ASTN1: variants seen among roughly 807,000 people sequenced by gnomAD.
The protein encoded by ASTN1 is astrotactin-1.
In ASTN1, 41 loss-of-function variants were observed where a neutral mutation model predicts 140.7. The observed-to-expected ratio is 0.29, with a 90% CI of 0.23 to 0.38. The LOEUF is 0.38. Ranked by LOEUF, ASTN1 falls within the 10% of genes least tolerant of loss-of-function variation. The probability of loss-of-function intolerance (pLI) is 1.00; values close to 1 mark genes in which losing one functional copy is unlikely to be tolerated. For synonymous variants in ASTN1, 640 were observed against 652.2 expected (o/e 0.98, Z 0.29); for missense variants, 1,479 against 1,678.8 (o/e 0.88, Z 2.08).
In ASTN1 at chr1:176,943,951, G is replaced by A. The variant is rs750524734; in HGVS notation, c.2317C>T (p.Leu773=). 3.7e-6 allele frequency: 6 copies of A among 1,614,090 alleles called. No individual in the cohort carries two copies. Among genetic ancestry groups the A allele is most frequent in the Non-Finnish European group, 5.1e-6 (6 of 1,179,976 alleles). ...PDGLVVATVP[L]ENQCLEEISE... is the part of the protein sequence containing the mutation. ...ATCTCCTCTAGGCATTGATTCTCCA[G>A]GGGCACAGTGGCCACCACAAGACCA... The change falls in exon 14 of 23, where the codon CTG becomes TTG. Residue 773 remains leucine, a synonymous_variant. Transcript: ENST00000361833.
intron 22 of ASTN1, among the ~76,000 whole-genome samples, chr1:176,868,621 T>G (rs1668218978): frequency 6.6e-6 from 1 of 152,176 alleles, no homozygotes; most frequent in South Asian, 2.1e-4. Context: ...GAGCAAAATT[T>G]TTTTTCAGAG....
chr1:177,152,566 T>C (rs2102249451), intron 1 of ASTN1, among the ~76,000 whole-genome samples: 1 of 152,088 alleles, frequency 6.6e-6, no homozygotes, highest in South Asian at 2.1e-4. Flanking sequence ...TAAAGGGCAG[T>C]CAAGATTTGA....
At chr1:177,090,383 C>A (rs1037620217) in intron 1 of ASTN1, among the ~76,000 whole-genome samples, 1 of 152,038 alleles carries the variant, frequency 6.6e-6, no homozygotes, top group African/African-American at 2.4e-5. Flanking sequence ...CTTAAAATAA[C>A]TCCTTGGTAT....
rs979202705 is a variant in ASTN1, at chr1:176,965,371, C to T, written c.1524-134G>A. The T allele has an allele frequency of 8.6e-6, 6 of 696,924 alleles. No individual in the cohort carries two copies. In the African/African-American group the frequency reaches 1.1e-4, roughly 12 times the overall value. The allele number at this position is 696,924 out of a possible 1,614,324, so 43.2% of individuals were successfully genotyped here. On this transcript the variant is annotated intron_variant, in intron 8 of 22. Transcript: ENST00000361833. The stretch of plus-strand genomic sequence containing the variant: ...ATAGCCTCTGCCCTCAAGAAGCTCA[C>T]TAATATGAGCTCACACATGACCTTG...
intron 1 of ASTN1, among the ~76,000 whole-genome samples, chr1:177,106,341 C>T (rs1680543062): frequency 6.6e-6 from 1 of 152,190 alleles, no homozygotes; most frequent in African/African-American, 2.4e-5. Context: ...ACTCCACTGG[C>T]CTCATCGCTG....
intron 13 of ASTN1, 147 bp from the exon 14 acceptor site, chr1:176,944,165 C>T: frequency 1.8e-6 from 2 of 1,082,520 alleles, no homozygotes; most frequent in South Asian, 1.5e-5. Context: ...GCAACCTCTG[C>T]CTCCAGGGTT....
At chr1:177,162,183 C>T (rs760841231) in intron 1 of ASTN1, among the ~76,000 whole-genome samples, 15 of 152,198 alleles carry the variant, frequency 9.9e-5, no homozygotes, top group Non-Finnish European at 2.1e-4. Flanking sequence ...AAATTCAAAA[C>T]TACCTTTGAG....
At chr1:177,154,876 C>CA (rs946590074) in intron 1 of ASTN1, among the ~76,000 whole-genome samples, 7 of 151,316 alleles carry the variant, frequency 4.6e-5, no homozygotes, top group Non-Finnish European at 3.0e-5. Flanking sequence ...CATGAGATTA[C>CA]AAAAAAAAGA....
chr1:176,900,330 C>T (rs781686099), intron 16 of ASTN1, among the ~76,000 whole-genome samples: 31 of 152,134 alleles, frequency 2.0e-4, no homozygotes, highest in African/African-American at 4.8e-4. Context: ...AAACTGTGGT[C>T]GTCATTTCCT....
At chr1:177,108,430 C>T (rs1475811199) in intron 1 of ASTN1, among the ~76,000 whole-genome samples, 3 of 151,838 alleles carry the variant, frequency 2.0e-5, no homozygotes, top group Admixed American at 6.6e-5. Context: ...CTCTAGGTAC[C>T]TCATATAAGT....
At chr1:176,890,314 C>T (rs1177586230) in intron 17 of ASTN1, among the ~76,000 whole-genome samples, 3 of 152,164 alleles carry the variant, frequency 2.0e-5, no homozygotes, top group African/African-American at 4.8e-5. Flanking sequence ...TATGAGGATG[C>T]AACTTTTTAT....
intron 16 of ASTN1, 152 bp from the exon 17 acceptor site, chr1:176,894,982 G>T: frequency 9.1e-7 from 1 of 1,101,838 alleles, no homozygotes; most frequent in East Asian, 2.5e-5. Context: ...CACTTAATTT[G>T]GGGCACCCAA....
chr1:177,031,898 A>G (rs1236002776), intron 3 of ASTN1, among the ~76,000 whole-genome samples: 3 of 152,206 alleles, frequency 2.0e-5, no homozygotes, highest in African/African-American at 7.2e-5. Flanking sequence ...ATAGATACAC[A>G]ATGCATCTGG....
chr1:176,991,436 CAAAAA>C (rs1173420812), intron 8 of ASTN1, among the ~76,000 whole-genome samples: 12 of 13,848 alleles, frequency 8.7e-4, no homozygotes, highest in African/African-American at 2.1e-3. Context: ...AAAAAAAAAC[CAAAAA>C]AAAAAAAAAA....
At chr1:177,077,571 C>G (rs1678977848) in intron 1 of ASTN1, among the ~76,000 whole-genome samples, 1 of 152,204 alleles carries the variant, frequency 6.6e-6, no homozygotes, top group African/African-American at 2.4e-5. Context: ...GTTATGGTCA[C>G]TTTAACGATT....
chr1:177,073,438 T>C (rs1369346562), intron 1 of ASTN1, among the ~76,000 whole-genome samples: 3 of 151,830 alleles, frequency 2.0e-5, no homozygotes, highest in Non-Finnish European at 4.4e-5. Context: ...TGAAAAACTT[T>C]GAGTCCTAGC....
intron 1 of ASTN1, among the ~76,000 whole-genome samples, chr1:177,150,883 C>T (rs1442846189): frequency 6.6e-6 from 1 of 152,116 alleles, no homozygotes; most frequent in Non-Finnish European, 1.5e-5. Context: ...AGTGGCTTTC[C>T]TCCCAGTATA....
intron 20 of ASTN1, among the ~76,000 whole-genome samples, chr1:176,877,898 G>A (rs975865510): frequency 6.6e-6 from 1 of 152,180 alleles, no homozygotes; most frequent in Non-Finnish European, 1.5e-5. Flanking sequence ...AGACGTGCTG[G>A]TGAAGTAGAA....
intron 20 of ASTN1, among the ~76,000 whole-genome samples, chr1:176,878,147 A>T (rs1031321440): frequency 2.0e-5 from 3 of 152,078 alleles, no homozygotes; most frequent in African/African-American, 7.2e-5. Context: ...GTCTGCTGGG[A>T]CTCAGAATGT....
Sources: allele counts gnomAD v4.1 joint callset (sites outside exome capture counted in the v4.1 genomes callset), GRCh38; gene constraint gnomAD v4.1.1; transcripts MANE v1.5; gene names NCBI Gene and HGNC (gene_info 2026-07-23, HGNC 2026-07-21).